LDB2: variants seen among roughly 807,000 people sequenced by gnomAD.
LDB2 encodes LIM domain-binding protein 2.
A neutral mutation model predicts 44.3 loss-of-function variants in LDB2; 12 were observed. That is an observed-to-expected ratio of 0.27 (90% CI 0.17 to 0.44). The LOEUF is 0.44. Among genes scored for constraint, LDB2 ranks in the 20% least tolerant of loss-of-function variants. The pLI is 1.00. For missense variants in LDB2, 344 were observed against 473.5 expected (o/e 0.73, Z 2.54); for synonymous variants, 164 against 174.8 (o/e 0.94, Z 0.49).
chr4:16,555,983 T>A (rs780888999), intron 5 of LDB2, among the ~76,000 whole-genome samples: 1 of 152,120 alleles, frequency 6.6e-6, no homozygotes, highest in Non-Finnish European at 1.5e-5. Flanking sequence ...TGAGTCAGGA[T>A]TGATCCTCTA....
chr4:16,534,753 A>G (rs982642237), intron 5 of LDB2, among the ~76,000 whole-genome samples: 6 of 152,176 alleles, frequency 3.9e-5, no homozygotes, highest in African/African-American at 7.2e-5. Context: ...TCCGACTCAG[A>G]AGTATTAGGA....
chr4:16,613,796 A>T (rs1578208549), intron 2 of LDB2, among the ~76,000 whole-genome samples: 1 of 152,368 alleles, frequency 6.6e-6, no homozygotes, highest in African/African-American at 2.4e-5. Context: ...AAAACCTTCC[A>T]TCCTCATGGA....
chr4:16,693,950 T>C (rs974420921), intron 2 of LDB2, among the ~76,000 whole-genome samples: 6 of 152,210 alleles, frequency 3.9e-5, no homozygotes, highest in Admixed American at 6.5e-5. Context: ...CACTTCATTA[T>C]ATACAGAAAT....
At chr4:16,745,047 G>C (rs566571783) in intron 2 of LDB2, among the ~76,000 whole-genome samples, 1 of 152,314 alleles carries the variant, frequency 6.6e-6, no homozygotes, top group African/African-American at 2.4e-5. Context: ...AGAGAAATTA[G>C]GTGTAACATC....
At chr4:16,600,341 T>A (rs1189412384) in intron 2 of LDB2, among the ~76,000 whole-genome samples, 1 of 152,164 alleles carries the variant, frequency 6.6e-6, no homozygotes, top group Non-Finnish European at 1.5e-5. Context: ...GTCTTCTGAA[T>A]TTTGTTGGAG....
At chr4:16,896,689 T>C (rs556866745) in intron 1 of LDB2, among the ~76,000 whole-genome samples, 10 of 152,322 alleles carry the variant, frequency 6.6e-5, no homozygotes, top group South Asian at 2.1e-4. Flanking sequence ...TTTAAAAGAC[T>C]ATTTTTTCCA....
chr4:16,680,198 C>A (rs1412595536), intron 2 of LDB2, among the ~76,000 whole-genome samples: 1 of 152,162 alleles, frequency 6.6e-6, no homozygotes, highest in Non-Finnish European at 1.5e-5. Context: ...TGCCAGGAAC[C>A]AAATGAGACA....
At chr4:16,705,273 C>CA (rs965102161) in intron 2 of LDB2, among the ~76,000 whole-genome samples, 2 of 152,082 alleles carry the variant, frequency 1.3e-5, no homozygotes, top group African/African-American at 4.8e-5. Flanking sequence ...AGTTCACATC[C>CA]ATGCCCTATG....
chr4:16,872,938 C>T lies in LDB2; in HGVS notation c.132+25416G>A, dbSNP rs531796079. 3.3e-5 allele frequency among the ~76,000 whole-genome samples: 5 copies of T among 152,160 alleles called. No individual in the cohort carries two copies. The South Asian group carries it at 6.2e-4, about 19-fold the overall frequency. ...GTCCAGATCATTGTCGGGGAGCCCA[C>T]GTGCTTCTAAGTCCAATTCTAAGAG... On this transcript the variant is annotated intron_variant, in intron 1 of 7. Transcript: ENST00000304523.
Position 16,595,701 on chromosome 4 carries a change from A to T in LDB2, c.408+2T>A. 1 of 1,612,948 alleles carries T rather than the reference A, an allele frequency of 6.2e-7. No homozygotes were observed. Among genetic ancestry groups the T allele is most frequent in the Non-Finnish European group, 8.5e-7 (1 of 1,179,576 alleles). On this transcript the variant is annotated splice_donor_variant, in intron 3 of 7. Transcript: ENST00000304523. LOFTEE classifies it high-confidence loss of function. The stretch of plus-strand genomic sequence containing the variant: ...GGGCATGTGACAGAGCCTGTCCTGT[A>T]CCTTGGTAAACATGGGCTTCCCGTG...
intron 1 of LDB2, among the ~76,000 whole-genome samples, chr4:16,772,305 T>C (rs1206052087): frequency 6.6e-6 from 1 of 152,226 alleles, no homozygotes; most frequent in Non-Finnish European, 1.5e-5. Flanking sequence ...ATTGGGAATA[T>C]AAGATCCTAT....
intron 2 of LDB2, among the ~76,000 whole-genome samples, chr4:16,699,191 A>G (rs1429222731): frequency 6.6e-6 from 1 of 152,248 alleles, no homozygotes; most frequent in African/African-American, 2.4e-5. Flanking sequence ...TAATCGTAAG[A>G]TAACTCCTTC....
Position 16,894,987 on chromosome 4 carries a change from G to A in LDB2, c.132+3367C>T, listed in dbSNP as rs143512166. 6.0e-3 allele frequency among the ~76,000 whole-genome samples: 916 copies of A among 151,860 alleles called. 11 individuals carry two copies. The highest frequency in any genetic ancestry group is 0.02 in the African/African-American group (843 of 41,434). ...TACATAACGGAACTCACACTTTTCT[G>A]GTGTTTATGGTATTTTTTTTAATTA... On this transcript the variant is annotated intron_variant, in intron 1 of 7. Coordinates refer to ENST00000304523, the MANE Select transcript of LDB2 (RefSeq NM_001290.5).
chr4:16,839,615 T>G (rs1785505999), intron 1 of LDB2, among the ~76,000 whole-genome samples: 1 of 152,088 alleles, frequency 6.6e-6, no homozygotes, highest in African/African-American at 2.4e-5. Context: ...TTTTCCCAAG[T>G]TAAGTAATCT....
intron 2 of LDB2, among the ~76,000 whole-genome samples, chr4:16,685,109 C>A (rs1449432255): frequency 2.0e-5 from 3 of 152,150 alleles, no homozygotes; most frequent in Admixed American, 6.5e-5. Flanking sequence ...TATTTTGGAG[C>A]TATGTCTTTC....
intron 1 of LDB2, among the ~76,000 whole-genome samples, chr4:16,817,019 C>T (rs1018979487): frequency 6.6e-6 from 1 of 152,116 alleles, no homozygotes; most frequent in Non-Finnish European, 1.5e-5. Flanking sequence ...AGTATTGCAT[C>T]GCCAACAAGA....
At chr4:16,836,337 A>G (rs1198773046) in intron 1 of LDB2, among the ~76,000 whole-genome samples, 2 of 152,198 alleles carry the variant, frequency 1.3e-5, no homozygotes, top group Non-Finnish European at 2.9e-5. Flanking sequence ...ATAAACATGG[A>G]TAATGGGAGA....
chr4:16,648,089 A>G (rs1737263876), intron 2 of LDB2, among the ~76,000 whole-genome samples: 1 of 152,202 alleles, frequency 6.6e-6, no homozygotes, highest in Non-Finnish European at 1.5e-5. Flanking sequence ...GCATCATAGC[A>G]CACAGTAGGT....
intron 4 of LDB2, 27 bp downstream of exon 4, chr4:16,588,683 A>T: frequency 6.2e-7 from 1 of 1,609,042 alleles, no homozygotes; most frequent in East Asian, 2.2e-5. Flanking sequence ...AAAGAAAAGA[A>T]AGCAAAACAG....
Sources: allele counts gnomAD v4.1 joint callset (sites outside exome capture counted in the v4.1 genomes callset), GRCh38; gene constraint gnomAD v4.1.1; transcripts MANE v1.5; gene names NCBI Gene and HGNC (gene_info 2026-07-23, HGNC 2026-07-21).